RCL1: variants seen among roughly 807,000 people sequenced by gnomAD.
RCL1 encodes RNA terminal phosphate cyclase like 1.
In RCL1, 24 loss-of-function variants were observed where a neutral mutation model predicts 42.4. The observed-to-expected ratio is 0.57, with a 90% CI of 0.41 to 0.80. RCL1 has a LOEUF of 0.80. Among genes scored for constraint, RCL1 ranks in the 30% least tolerant of loss-of-function variants. The pLI, the probability that RCL1 is intolerant of heterozygous loss-of-function variation, is 0.00. For synonymous variants in RCL1, 228 were observed against 177.3 expected (o/e 1.29, Z -2.27); for missense variants, 578 against 467.9 (o/e 1.24, Z -2.17).
At chr9:4,797,062 G>C (rs753173772) in intron 1 of RCL1, among the ~76,000 whole-genome samples, 12 of 152,188 alleles carry the variant, frequency 7.9e-5, no homozygotes, top group Non-Finnish European at 1.2e-4. Context: ...CTTGGGGTCA[G>C]TATTGGACCT....
rs560922815 is a variant in RCL1 at position 4,842,819 on chromosome 9, T to G, written c.710+1462T>G. The stretch of plus-strand genomic sequence containing the variant: ...GGAGGACAGATAGCAGCAGAAGCTG[T>G]CTAAATGGCTTCATCTCGATAGTCC... On this transcript the variant is annotated intron_variant, in intron 6 of 8. Transcript: ENST00000381750. Among the ~76,000 whole-genome samples, 47 of 152,330 alleles carry G rather than the reference T, an allele frequency of 3.1e-4. 1 individual carries two copies. The highest frequency in any genetic ancestry group is 1.1e-3 in the African/African-American group (44 of 41,570).
chr9:4,804,251 C>G (rs1282242675), intron 1 of RCL1: 1 of 152,702 alleles, frequency 6.5e-6, no homozygotes, highest in African/African-American at 2.4e-5. Flanking sequence ...TCGGAATAGT[C>G]TTGGTAAAGG....
At chr9:4,802,640 T>C (rs1843023672) in intron 1 of RCL1, among the ~76,000 whole-genome samples, 1 of 152,236 alleles carries the variant, frequency 6.6e-6, no homozygotes. Context: ...TTTTTTACTT[T>C]GTTATTTACA....
At chr9:4,841,508 C>T (rs761130761) in intron 6 of RCL1, 151 bp downstream of exon 6, 6 of 671,562 alleles carry the variant, frequency 8.9e-6, no homozygotes, top group African/African-American at 1.8e-5. Context: ...TTGTCACCAA[C>T]AGGCATTTCT....
At chr9:4,823,279 C>G (rs1405162411) in intron 1 of RCL1, among the ~76,000 whole-genome samples, 3 of 89,890 alleles carry the variant, frequency 3.3e-5, no homozygotes, top group Non-Finnish European at 4.2e-5. Flanking sequence ...GCTGGTGGAG[C>G]TATTTTTTTT....
chr9:4,797,486 G>A (rs1386441673), intron 1 of RCL1, among the ~76,000 whole-genome samples: 1 of 152,204 alleles, frequency 6.6e-6, no homozygotes, highest in Non-Finnish European at 1.5e-5. Context: ...CTTTTGTTCA[G>A]TGGGGGACAT....
chr9:4,803,653 G>A (rs989699394), intron 1 of RCL1: 2 of 151,934 alleles, frequency 1.3e-5, no homozygotes, highest in African/African-American at 4.8e-5. Context: ...AGTTGACTGA[G>A]TTCAGCACTT....
intron 1 of RCL1, among the ~76,000 whole-genome samples, chr9:4,797,252 T>A (rs1375738211): frequency 6.6e-6 from 1 of 152,228 alleles, no homozygotes; most frequent in East Asian, 1.9e-4. Flanking sequence ...GAACAGTGCC[T>A]GGCACATAGG....
At position 4,817,079 on chromosome 9, in the gene RCL1, A is replaced by C. The variant is rs1433354898; in HGVS notation, c.137-6469A>C. 5.3e-5 allele frequency among the ~76,000 whole-genome samples: 8 copies of C among 152,352 alleles called. No homozygotes were observed. In the East Asian group the frequency reaches 1.5e-3, roughly 29 times the overall value. ...TAATCCGCCTGCCTCGGCCTCCCAA[A>C]ATGCTGGGATTACAGGCGTGAGCCA... On this transcript the variant is annotated intron_variant, in intron 1 of 8. Coordinates refer to ENST00000381750, the MANE Select transcript of RCL1 (RefSeq NM_005772.5).
rs375870181 is a variant in RCL1 at position 4,839,971 on chromosome 9, C to G, written c.585-1261C>G. On this transcript the variant is annotated intron_variant, in intron 5 of 8. Coordinates refer to ENST00000381750, the MANE Select transcript of RCL1 (RefSeq NM_005772.5). Reference sequence around the variant, plus strand: ...AGCAGCTCAGGTTGAGGAATTTGGTCAGTTTGGATGGGTGGAAGGAGTTGA... The same window carrying G: ...AGCAGCTCAGGTTGAGGAATTTGGTGAGTTTGGATGGGTGGAAGGAGTTGA... The G allele has an allele frequency of 9.0e-6, 8 of 886,200 alleles. No individual in the cohort carries two copies. In the African/African-American group the frequency reaches 1.3e-4, roughly 14 times the overall value. The allele number at this position is 886,200 out of a possible 1,614,324, so 54.9% of individuals were successfully genotyped here. A position where few individuals can be genotyped will look rare whatever the true frequency, so the allele number is the denominator to read the frequency against.
intron 2 of RCL1, 86 bp downstream of exon 2, chr9:4,823,705 C>G (rs1046428522): frequency 2.5e-5 from 22 of 877,526 alleles, no homozygotes; most frequent in Non-Finnish European, 3.6e-5. Flanking sequence ...CTTTTTTTTT[C>G]TAGTCAGTCT....
At chr9:4,802,074 ATTTTTT>A (rs34756856) in intron 1 of RCL1, among the ~76,000 whole-genome samples, 87 of 95,466 alleles carry the variant, frequency 9.1e-4, no homozygotes, top group African/African-American at 3.2e-3. Flanking sequence ...ACGCCTGGCT[ATTTTTT>A]TTTTTTTTTT....
At chr9:4,828,379 G>T (rs1270412454) in intron 3 of RCL1, among the ~76,000 whole-genome samples, 2 of 152,050 alleles carry the variant, frequency 1.3e-5, no homozygotes, top group Non-Finnish European at 2.9e-5. Flanking sequence ...ACCTACTAGG[G>T]TATAAACATT....
chr9:4,852,634 A>G (rs1259404800), intron 8 of RCL1, among the ~76,000 whole-genome samples: 1 of 152,148 alleles, frequency 6.6e-6, no homozygotes, highest in Non-Finnish European at 1.5e-5. Flanking sequence ...ACTTGTGGAG[A>G]TGGAACGAAG....
At position 4,799,631 on chromosome 9, in the gene RCL1, C is replaced by T. The variant is rs149268712; in HGVS notation, c.136+6404C>T. Among the ~76,000 whole-genome samples, 23 of 152,196 alleles carry T rather than the reference C, an allele frequency of 1.5e-4. No individual in the cohort carries two copies. In the East Asian group the frequency reaches 3.9e-3, roughly 26 times the overall value. ...GTAATTTTGTCATTTGAAGACTGCT[C>T]CATAAATGGAATCATATAGTATGTA... On this transcript the variant is annotated intron_variant, in intron 1 of 8. Transcript: ENST00000381750.
At chr9:4,830,083 A>T (rs1035243799) in intron 3 of RCL1, among the ~76,000 whole-genome samples, 1 of 152,244 alleles carries the variant, frequency 6.6e-6, no homozygotes, top group African/African-American at 2.4e-5. Context: ...GGAGAAGCCA[A>T]GCAGGAATCA....
At chr9:4,822,694 G>A (rs1417321655) in intron 1 of RCL1, among the ~76,000 whole-genome samples, 2 of 152,036 alleles carry the variant, frequency 1.3e-5, no homozygotes, top group African/African-American at 2.4e-5. Flanking sequence ...AGTGGTGCAC[G>A]TCTGTGGTCC....
Position 4,827,273 on chromosome 9 carries a change from C to G in RCL1, c.384+240C>G, listed in dbSNP as rs567872705. 2,434 of 1,384,856 alleles carry G rather than the reference C, an allele frequency of 1.8e-3. 9 individuals carry two copies. Among genetic ancestry groups the G allele is most frequent in the Non-Finnish European group, 2.1e-3 (2,197 of 1,042,578 alleles). 85.8% of individuals were successfully genotyped at this position (1,384,856 alleles called of 1,614,324 possible). A position where few individuals can be genotyped will look rare whatever the true frequency, so the allele number is the denominator to read the frequency against. On this transcript the variant is annotated intron_variant, in intron 3 of 8. Transcript: ENST00000381750. ...GTGCCTTTTGTTGTTACCTAAGAACCTTCAAAACAGATGCTCTCCGTCTCA... is the reference window on the plus strand; with the variant it reads ...GTGCCTTTTGTTGTTACCTAAGAACGTTCAAAACAGATGCTCTCCGTCTCA...
At chr9:4,859,435 G>T (rs1375858300) in intron 8 of RCL1, among the ~76,000 whole-genome samples, 1 of 152,098 alleles carries the variant, frequency 6.6e-6, no homozygotes, top group Non-Finnish European at 1.5e-5. Flanking sequence ...AAATCCTCCT[G>T]AGGGAAGGAT....
Sources: gnomAD v4.1 joint callset for allele counts (sites outside exome capture counted in the v4.1 genomes callset) on GRCh38, gnomAD v4.1.1 for gene constraint, MANE v1.5 for transcripts, NCBI Gene and HGNC (gene_info 2026-07-23, HGNC 2026-07-21) for gene names.